DIDO1: variants seen among roughly 807,000 people sequenced by gnomAD.
DIDO1 encodes the protein death-inducer obliterator 1.
DIDO1 carries 16 observed loss-of-function variants against 99.4 expected under a neutral mutation model. That is an observed-to-expected ratio of 0.16 (90% CI 0.11 to 0.24). The LOEUF (loss-of-function observed/expected upper bound fraction) is 0.24. Ranked by LOEUF, DIDO1 falls within the 10% of genes least tolerant of loss-of-function variation. The pLI is 1.00. For synonymous variants in DIDO1, 1,366 were observed against 1,239.1 expected, an observed-to-expected ratio of 1.10 and a Z score of -2.15; for missense variants, 2,996 against 3,014.0, an observed-to-expected ratio of 0.99 and a Z score of 0.14.
At chr20:62,889,464 G>A in intron 15 of DIDO1, 3 of 985,474 alleles carry the variant, frequency 3.0e-6, no homozygotes, top group Non-Finnish European at 2.4e-6. Flanking sequence ...AAAAAGGGGA[G>A]GCTCGCTATC....
intron 6 of DIDO1, among the ~76,000 whole-genome samples, chr20:62,903,797 T>C (rs1161703166): frequency 6.6e-6 from 1 of 152,046 alleles, no homozygotes; most frequent in African/African-American, 2.4e-5. Flanking sequence ...ACAGGCAATT[T>C]CCCCCACCTC....
intron 15 of DIDO1, among the ~76,000 whole-genome samples, chr20:62,885,479 T>A (rs2064282817): frequency 6.6e-6 from 1 of 152,050 alleles, no homozygotes; most frequent in South Asian, 2.1e-4. Flanking sequence ...ATGAAAAAAA[T>A]AATTAGTATA....
At chr20:62,916,373 G>A (rs1303931204) in intron 1 of DIDO1, among the ~76,000 whole-genome samples, 1 of 152,164 alleles carries the variant, frequency 6.6e-6, no homozygotes, top group East Asian at 1.9e-4. Context: ...AGCAGCTGAT[G>A]AGCGGCGATT....
At chr20:62,892,361 T>C (rs1210652306) in intron 13 of DIDO1, among the ~76,000 whole-genome samples, 6 of 152,224 alleles carry the variant, frequency 3.9e-5, no homozygotes, top group African/African-American at 1.4e-4. Flanking sequence ...CGATTCACTA[T>C]GAGCCAGGGT....
chr20:62,879,436 C>T lies in DIDO1; in HGVS notation c.6520G>A (p.Glu2174Lys). The part of the protein sequence containing the change: ...DRGKEWDRSR[E>K]RSRNRERERD... ...TCGCGCTCTCGGTTCCTGCTCCGCTCCCGGCTGCGGTCCCACTCCTTGCCC... is the reference window on the plus strand; with the variant it reads ...TCGCGCTCTCGGTTCCTGCTCCGCTTCCGGCTGCGGTCCCACTCCTTGCCC... Residue 2174 changes from glutamate (E) to lysine (K), a missense_variant, in exon 16 of 16, where the codon GAG becomes AAG. Around this residue, in one of 5 missense-constraint regions of DIDO1, gnomAD observed 1,562 missense variants for 1,412.6 expected, o/e 1.11. Transcript: ENST00000395343. The surrounding 1 kb of genome is among the most constrained non-coding windows in gnomAD (Gnocchi z 6.3). 1 of 1,548,774 alleles carries T rather than the reference C, an allele frequency of 6.5e-7. No individual in the cohort carries two copies. Among genetic ancestry groups the T allele is most frequent in the Non-Finnish European group, 8.7e-7 (1 of 1,152,560 alleles).
upstream of DIDO1, among the ~76,000 whole-genome samples, chr20:62,929,695 G>GTATATATATATATATATATATA (rs71195479): frequency 3.0e-4 from 29 of 97,940 alleles, 3 homozygotes; most frequent in African/African-American, 1.3e-3. Context: ...AAGAAAAAGT[G>GTATATATATATATATATATATA]TATATATATA....
In DIDO1 at chr20:62,881,699, G is replaced by A. The variant is rs779016748; in HGVS notation, c.4257C>T (p.Ala1419=). ...GGTCATAGGCCACCTCTTCCCGCTC[G>A]GCTGCAGCTGCTTCAGGAGCCCTTT... ...EVERAPEAAA[A]EREEVAYDPE... Residue 1419 remains alanine, a synonymous_variant, in exon 16 of 16, where the codon GCC becomes GCT. Coordinates refer to ENST00000395343, the MANE Select transcript of DIDO1 (RefSeq NM_001193369.2). The surrounding 1 kb of genome is among the most constrained non-coding windows in gnomAD (Gnocchi z 8.3). The A allele has an allele frequency of 1.9e-6, 3 of 1,612,826 alleles. No individual in the cohort carries two copies. Among genetic ancestry groups the A allele is most frequent in the East Asian group, 2.2e-5 (1 of 44,872 alleles).
chr20:62,929,049 A>G (rs1056426855), upstream of DIDO1: 2 of 152,152 alleles, frequency 1.3e-5, no homozygotes, highest in Non-Finnish European at 2.9e-5. Flanking sequence ...CCCAAAATAA[A>G]AATACTATGA....
chr20:62,904,780 C>CAAAAAAAAAAAAAAA lies in DIDO1; in HGVS notation c.1588+1092_1588+1106dup, dbSNP rs58039393. ...GGGTGACAGAGCAAGACTCTTGTCT[C>CAAAAAAAAAAAAAAA]AAAAAAAAAAAAAAAAAAAAAAAAA... On this transcript the variant is annotated intron_variant, in intron 6 of 15. Coordinates refer to ENST00000395343, the MANE Select transcript of DIDO1 (RefSeq NM_001193369.2). 2.6e-3 allele frequency among the ~76,000 whole-genome samples: 165 copies of CAAAAAAAAAAAAAAA among 62,596 alleles called. 7 individuals are homozygous for CAAAAAAAAAAAAAAA. The highest frequency in any genetic ancestry group is 5.6e-3 in the East Asian group (13 of 2,342). 41.1% of individuals were successfully genotyped at this position (62,596 alleles called of 152,430 possible). A position where few individuals can be genotyped will look rare whatever the true frequency, so the allele number is the denominator to read the frequency against.
chr20:62,907,387 C>A, intron 4 of DIDO1, 28 bp from the exon 5 acceptor site: 2 of 1,604,814 alleles, frequency 1.2e-6, no homozygotes, highest in South Asian at 1.1e-5. Context: ...TGACTTCAAA[C>A]AATGTACTTG....
intron 6 of DIDO1, chr20:62,905,560 C>T (rs775890352): frequency 6.4e-7 from 1 of 1,551,038 alleles, no homozygotes; most frequent in South Asian, 1.2e-5. Context: ...TGTGGCTATG[C>T]AATCAGACTG....
intron 6 of DIDO1, among the ~76,000 whole-genome samples, chr20:62,900,735 C>T (rs577636716): frequency 7.9e-5 from 12 of 152,318 alleles, no homozygotes; most frequent in Non-Finnish European, 1.2e-4. Context: ...TGCCCTGTCG[C>T]GGTACTGCTG....
At chr20:62,923,527 C>T (rs995209859) in intron 1 of DIDO1, among the ~76,000 whole-genome samples, 3 of 152,156 alleles carry the variant, frequency 2.0e-5, no homozygotes, top group Admixed American at 2.0e-4. Context: ...AGAAAAACTC[C>T]CTGGCACCTG....
intron 5 of DIDO1, among the ~76,000 whole-genome samples, 161 bp from the exon 6 acceptor site, chr20:62,906,261 G>A (rs189411744): frequency 1.1e-3 from 163 of 152,336 alleles, no homozygotes; most frequent in African/African-American, 3.8e-3. Context: ...ACACACTTGC[G>A]TATTCGGTGG....
intron 1 of DIDO1, among the ~76,000 whole-genome samples, chr20:62,917,404 G>A (rs1457992106): frequency 6.6e-6 from 1 of 152,138 alleles, no homozygotes; most frequent in Non-Finnish European, 1.5e-5. Context: ...GCAGATACAA[G>A]TTTTCTAAAA....
chr20:62,906,785 C>T (rs1254977628), intron 5 of DIDO1, among the ~76,000 whole-genome samples: 2 of 152,116 alleles, frequency 1.3e-5, no homozygotes, highest in Non-Finnish European at 2.9e-5. Context: ...TAAATGAAGA[C>T]CACAGCCTTG....
Position 62,894,378 on chromosome 20 carries a change from C to A in DIDO1, c.2572+35G>T, listed in dbSNP as rs1429500505. On this transcript the variant is annotated intron_variant, in intron 11 of 15. Coordinates refer to ENST00000395343, the MANE Select transcript of DIDO1 (RefSeq NM_001193369.2). This position sits in a 1 kb window ranked among gnomAD's most constrained non-coding sequence, Gnocchi z 4.4. ...TTTTTAACAAAATCAAGTTTAGTCTCAGCTCCAAGGCTCCATCCCCTGCAC... is the reference window on the plus strand; with the variant it reads ...TTTTTAACAAAATCAAGTTTAGTCTAAGCTCCAAGGCTCCATCCCCTGCAC... 3 of 1,599,166 alleles carry A rather than the reference C, an allele frequency of 1.9e-6. No homozygotes were observed. The highest frequency in any genetic ancestry group is 2.6e-6 in the Non-Finnish European group (3 of 1,173,628).
intron 15 of DIDO1, among the ~76,000 whole-genome samples, chr20:62,883,365 G>A (rs1017725295): frequency 2.0e-5 from 3 of 152,128 alleles, no homozygotes; most frequent in African/African-American, 7.2e-5. Flanking sequence ...ATTACAACTA[G>A]ACAGGAAAAA....
rs1273673739 is a variant in DIDO1 at position 62,891,974 on chromosome 20, T to C, written c.3345+13A>G. ...TTTTCCATGGTTGCAGAATTTATAC[T>C]ATAAGCAGGTACCTTAGACACAGAA... On this transcript the variant is annotated intron_variant, in intron 14 of 15. Transcript: ENST00000395343. 1 of 1,598,564 alleles carries C rather than the reference T, an allele frequency of 6.3e-7. No individual in the cohort carries two copies. Among genetic ancestry groups the C allele is most frequent in the Non-Finnish European group, 8.5e-7 (1 of 1,175,030 alleles).
Sources: allele counts gnomAD v4.1 joint callset (sites outside exome capture counted in the v4.1 genomes callset), GRCh38; gene constraint gnomAD v4.1.1; regional missense constraint gnomAD v4.1.1; non-coding constraint Gnocchi (gnomAD v3.1); transcripts MANE v1.5; gene names NCBI Gene and HGNC (gene_info 2026-07-23, HGNC 2026-07-21).